The following MBOAT4 variants were observed in gnomAD, a reference collection of about 807,000 sequenced individuals.
MBOAT4 encodes the protein membrane bound ghrelin O-acyltransferase MBOAT4.
In MBOAT4, 11 loss-of-function variants were observed where a neutral mutation model predicts 13.2. That is an observed-to-expected ratio of 0.84 (90% CI 0.53 to 1.38). The LOEUF (loss-of-function observed/expected upper bound fraction) is 1.38, where lower values mean the gene tolerates loss of function less well. MBOAT4 is among the 40% of genes most tolerant of loss of function. The pLI is 0.00. For missense variants in MBOAT4, 481 were observed against 527.2 expected (o/e 0.91, Z 0.86); for synonymous variants, 202 against 210.3 (o/e 0.96, Z 0.34).
intron 2 of MBOAT4, among the ~76,000 whole-genome samples, chr8:30,134,786 G>C (rs918265097): frequency 6.6e-6 from 1 of 152,180 alleles, no homozygotes; most frequent in African/African-American, 2.4e-5. Flanking sequence ...CATCTCAGGA[G>C]ATCTGCCCGC....
At chr8:30,144,112 C>T (rs1038082504) in intron 1 of MBOAT4, among the ~76,000 whole-genome samples, 3 of 150,424 alleles carry the variant, frequency 2.0e-5, no homozygotes, top group Non-Finnish European at 1.5e-5. Context: ...GTCTACTCTG[C>T]TTTTTGCCCT....
Position 30,131,764 on chromosome 8 carries a change from G to A in MBOAT4, c.*179C>T. The A allele has an allele frequency of 1.5e-6, 1 of 663,062 alleles. No individual in the cohort carries two copies. Among genetic ancestry groups the A allele is most frequent in the South Asian group, 2.0e-5 (1 of 48,886 alleles). The allele number at this position is 663,062 out of a possible 1,614,324, so 41.1% of individuals were successfully genotyped here. On this transcript the variant is annotated 3_prime_UTR_variant, in exon 3 of 3. Transcript: ENST00000320542. ...TTTCCTTTTTGTATCCTCAGTACCAGCAGAATAGCTTGCTAAAGTAGATAC... is the reference window on the plus strand; with the variant it reads ...TTTCCTTTTTGTATCCTCAGTACCAACAGAATAGCTTGCTAAAGTAGATAC...
At chr8:30,142,829 C>T (rs528274618) in intron 1 of MBOAT4, among the ~76,000 whole-genome samples, 11 of 152,322 alleles carry the variant, frequency 7.2e-5, no homozygotes, top group Non-Finnish European at 1.5e-4. Context: ...GTTGTGAACA[C>T]TTGATCATAC....
At chr8:30,138,837 C>A (rs889905713) in intron 1 of MBOAT4, 81 bp from the exon 2 acceptor site, 4 of 1,122,140 alleles carry the variant, frequency 3.6e-6, no homozygotes, top group Non-Finnish European at 5.2e-6. Flanking sequence ...CTCCAGGGAA[C>A]CCGATCTGGT....
At chr8:30,142,694 A>C (rs73240395) in intron 1 of MBOAT4, among the ~76,000 whole-genome samples, 3,420 of 152,210 alleles carry the variant, frequency 0.022, 46 homozygotes, top group Non-Finnish European at 0.033. Flanking sequence ...TAACTCCATG[A>C]GGATTAATCC....
Position 30,131,909 on chromosome 8 carries a change from C to A in MBOAT4, c.*34G>T. On this transcript the variant is annotated 3_prime_UTR_variant, in exon 3 of 3. Coordinates refer to ENST00000320542, the MANE Select transcript of MBOAT4 (RefSeq NM_001100916.2). ...TCATCTGGCACTTTCTAAAATGTTT[C>A]CTGGGTGTTTAAGGTGAAAGCCAGG... The A allele has an allele frequency of 1.3e-6, 2 of 1,514,706 alleles. No individual in the cohort carries two copies. The highest frequency in any genetic ancestry group is 1.8e-6 in the Non-Finnish European group (2 of 1,127,976). 93.8% of individuals were successfully genotyped at this position (1,514,706 alleles called of 1,614,324 possible).
chr8:30,139,095 G>A (rs895642162), intron 1 of MBOAT4, among the ~76,000 whole-genome samples: 9 of 151,486 alleles, frequency 5.9e-5, no homozygotes, highest in African/African-American at 1.9e-4. Context: ...ACCTGGGAGG[G>A]ACTACAGGCA....
At chr8:30,141,952 TC>T (rs1483577776) in intron 1 of MBOAT4, among the ~76,000 whole-genome samples, 2 of 152,204 alleles carry the variant, frequency 1.3e-5, no homozygotes, top group African/African-American at 4.8e-5. Flanking sequence ...ACTTCCCCCC[TC>T]AACACCCCAG....
chr8:30,132,305 G>T lies in MBOAT4; in HGVS notation c.946C>A (p.Arg316=), dbSNP rs144856522. The T allele has an allele frequency of 1.9e-6, 3 of 1,551,646 alleles. No individual in the cohort carries two copies. In the African/African-American group the frequency reaches 4.1e-5, roughly 21 times the overall value. Residue 316 remains arginine, a synonymous_variant, in exon 3 of 3, where the codon CGG becomes AGG. Coordinates refer to ENST00000320542, the MANE Select transcript of MBOAT4 (RefSeq NM_001100916.2). ...GCCCTGCTGTGCTGGAATACAAGCC[G>T]TCGGAGCCATCGAGCTGTGCTTTGG... ...WNQSTARWLR[R]LVFQHSRAWP...
rs1803057475 is a variant in MBOAT4, at chr8:30,132,864, C to T, written c.387G>A (p.Arg129=). The part of the protein sequence containing the change: ...TLSSLMLLTQ[R]VTSLSLDICE... Reference sequence around the variant, plus strand: ...AAATGTCCAGAGAGAGGGACGTGACCCTCTGGGTCAAGAGCATGAGAGAAG... The same window carrying T: ...AAATGTCCAGAGAGAGGGACGTGACTCTCTGGGTCAAGAGCATGAGAGAAG... Residue 129 remains arginine, a synonymous_variant, in exon 3 of 3, where the codon AGG becomes AGA. Coordinates refer to ENST00000320542, the MANE Select transcript of MBOAT4 (RefSeq NM_001100916.2). 6.5e-7 allele frequency: 1 copy of T among 1,547,988 alleles called. No individual in the cohort carries two copies. The highest frequency in any genetic ancestry group is 2.0e-5 in the Admixed American group (1 of 50,212).
chr8:30,143,369 ATATATAT>A (rs1803295401), intron 1 of MBOAT4, among the ~76,000 whole-genome samples: 1 of 12,820 alleles, frequency 7.8e-5, no homozygotes, highest in African/African-American at 1.4e-4. Context: ...AAAAAAAAAT[ATATATAT>A]ATATATATAT....
At position 30,141,064 on chromosome 8, in the gene MBOAT4, C is replaced by A. The variant is rs142363734; in HGVS notation, c.120-2308G>T. 3.6e-3 allele frequency among the ~76,000 whole-genome samples: 551 copies of A among 152,244 alleles called. 5 individuals are homozygous for A. The highest frequency in any genetic ancestry group is 0.012 in the African/African-American group (519 of 41,542). On this transcript the variant is annotated intron_variant, in intron 1 of 2. Coordinates refer to ENST00000320542, the MANE Select transcript of MBOAT4 (RefSeq NM_001100916.2). ...CCATGTTGCCCAGGCTGGTCTTGAA[C>A]TCCCAGACTCATGCAATCCTCTTGC...
rs1803177913 is a variant in MBOAT4 at position 30,137,636 on chromosome 8, C to G, written c.344+896G>C. ...TTATAACTGAGACAGTGAAAGAAGT[C>G]TGACCTAACCAACTCCATCTTGCTT... is the stretch of plus-strand genomic sequence containing the variant. On this transcript the variant is annotated intron_variant, in intron 2 of 2. Transcript: ENST00000320542. 1.5e-5 allele frequency: 10 copies of G among 685,036 alleles called. No homozygotes were observed. In the South Asian group the frequency reaches 1.9e-4, roughly 13 times the overall value. The allele number at this position is 685,036 out of a possible 1,614,324, so 42.4% of individuals were successfully genotyped here.
chr8:30,136,101 C>A (rs917012047), intron 2 of MBOAT4, among the ~76,000 whole-genome samples: 1 of 152,112 alleles, frequency 6.6e-6, no homozygotes, highest in Non-Finnish European at 1.5e-5. Flanking sequence ...CAAATGCCAC[C>A]AAACCCTGCT....
intron 2 of MBOAT4, chr8:30,137,442 G>A (rs1803173300): frequency 1.3e-6 from 2 of 1,551,564 alleles, no homozygotes; most frequent in Non-Finnish European, 8.7e-7. Context: ...AGTCACTTCT[G>A]GGCAGGCCTG....
intron 2 of MBOAT4, among the ~76,000 whole-genome samples, chr8:30,136,346 AG>A (rs1222542114): frequency 6.6e-6 from 1 of 152,212 alleles, no homozygotes; most frequent in African/African-American, 2.4e-5. Flanking sequence ...GCGGACATAC[AG>A]GGACACTGCC....
In MBOAT4 at chr8:30,132,748, TA is replaced by T. The variant is rs1464892235; in HGVS notation, c.502del (p.Tyr168ThrfsTer38). The T allele has an allele frequency of 2.6e-6, 4 of 1,551,538 alleles. No individual in the cohort carries two copies. Among genetic ancestry groups the T allele is most frequent in the Non-Finnish European group, 3.5e-6 (4 of 1,147,004 alleles). ...HVCKALPYFS[Y>X]LLFFPALLGG... ...CAGGAGAGCAGGGAAAAAGAGCAAG[TA>T]GCTGAAATAGGGCAGTGCCTTACAC... On this transcript the variant is annotated frameshift_variant, in exon 3 of 3. Transcript: ENST00000320542. LOFTEE classifies it low-confidence loss of function (END_TRUNC).
At chr8:30,139,181 G>A (rs1048577804) in intron 1 of MBOAT4, among the ~76,000 whole-genome samples, 3 of 151,382 alleles carry the variant, frequency 2.0e-5, no homozygotes, top group Non-Finnish European at 2.9e-5. Context: ...TCAAACTCTT[G>A]GCCTCAAGCG....
At chr8:30,138,809 G>T in intron 1 of MBOAT4, 53 bp from the exon 2 acceptor site, 1 of 1,382,006 alleles carries the variant, frequency 7.2e-7, no homozygotes, top group South Asian at 1.2e-5. Flanking sequence ...CACAGCAAAG[G>T]AATTACTGCA....
Sources: gnomAD v4.1 joint callset for allele counts (sites outside exome capture counted in the v4.1 genomes callset) on GRCh38, gnomAD v4.1.1 for gene constraint, MANE v1.5 for transcripts, NCBI Gene and HGNC (gene_info 2026-07-23, HGNC 2026-07-21) for gene names.